KCNB2: variants seen among roughly 807,000 people sequenced by gnomAD.
The protein encoded by KCNB2 is delayed rectifier potassium channel protein.
In KCNB2, 15 loss-of-function variants were observed where a neutral mutation model predicts 61.5. The observed-to-expected ratio is 0.24, with a 90% CI of 0.16 to 0.38. KCNB2 has a LOEUF of 0.38. Among genes scored for constraint, KCNB2 ranks in the 10% least tolerant of loss-of-function variants. The probability of loss-of-function intolerance (pLI) is 1.00; values close to 1 mark genes in which losing one functional copy is unlikely to be tolerated. For missense variants in KCNB2, 828 were observed against 1,125.2 expected (o/e 0.74, Z 3.78); for synonymous variants, 457 against 446.0 (o/e 1.02, Z -0.31).
At chr8:72,855,097 C>G (rs983135616) in intron 2 of KCNB2, among the ~76,000 whole-genome samples, 1 of 152,292 alleles carries the variant, frequency 6.6e-6, no homozygotes, top group South Asian at 2.1e-4. Flanking sequence ...TTCCTTAGCC[C>G]TGAATGGCTG....
At chr8:72,633,115 A>G (rs1805905912) in intron 2 of KCNB2, among the ~76,000 whole-genome samples, 1 of 152,138 alleles carries the variant, frequency 6.6e-6, no homozygotes, top group East Asian at 1.9e-4. Context: ...AAGCTCTGCA[A>G]AGATCCTGCT....
At chr8:72,776,973 A>G (rs1808666737) in intron 2 of KCNB2, among the ~76,000 whole-genome samples, 1 of 152,136 alleles carries the variant, frequency 6.6e-6, no homozygotes, top group Admixed American at 6.5e-5. Flanking sequence ...TCTTTTATCT[A>G]GTGCTATATG....
At position 72,859,536 on chromosome 8, in the gene KCNB2, C is replaced by T. The variant is rs149045875; in HGVS notation, c.580-76399C>T. On this transcript the variant is annotated intron_variant, in intron 2 of 2. Transcript: ENST00000523207. Reference sequence around the variant, plus strand: ...CTTGTCATCCCACCTCTACACTTTCCCAACCCTAAGCAAGCCACTAATCTA... The same window carrying T: ...CTTGTCATCCCACCTCTACACTTTCTCAACCCTAAGCAAGCCACTAATCTA... 7.4e-3 allele frequency among the ~76,000 whole-genome samples: 1,123 copies of T among 151,746 alleles called. 11 individuals are homozygous for T. Among genetic ancestry groups the T allele is most frequent in the South Asian group, 0.028 (134 of 4,758 alleles).
chr8:72,800,624 T>C (rs1367259910), intron 2 of KCNB2, among the ~76,000 whole-genome samples: 2 of 151,986 alleles, frequency 1.3e-5, no homozygotes, highest in African/African-American at 4.8e-5. Context: ...AAAGATTCAA[T>C]ATCTAATTTG....
At chr8:72,603,878 A>G (rs2128982738) in intron 2 of KCNB2, among the ~76,000 whole-genome samples, 1 of 152,232 alleles carries the variant, frequency 6.6e-6, no homozygotes, top group East Asian at 1.9e-4. Flanking sequence ...TGGAGGTAGA[A>G]ATTGGCATGA....
intron 2 of KCNB2, among the ~76,000 whole-genome samples, chr8:72,716,913 C>A (rs936139049): frequency 6.6e-6 from 1 of 151,988 alleles, no homozygotes; most frequent in African/African-American, 2.4e-5. Context: ...TCTAGAAAAC[C>A]CCATTGTCTC....
At chr8:72,763,506 G>A (rs1423010447) in intron 2 of KCNB2, among the ~76,000 whole-genome samples, 1 of 152,154 alleles carries the variant, frequency 6.6e-6, no homozygotes, top group East Asian at 1.9e-4. Context: ...TAAATGGGGG[G>A]TTGGAGCAGT....
At chr8:72,775,574 G>T (rs1387705629) in intron 2 of KCNB2, among the ~76,000 whole-genome samples, 5 of 152,088 alleles carry the variant, frequency 3.3e-5, no homozygotes, top group Non-Finnish European at 1.5e-5. Flanking sequence ...ACAGATGCGT[G>T]ACTTGACTTC....
chr8:72,937,253 T>C lies in KCNB2; in HGVS notation c.1898T>C (p.Phe633Ser). The C allele has an allele frequency of 2.5e-6, 4 of 1,613,908 alleles. No individual in the cohort carries two copies. In the South Asian group the frequency reaches 3.3e-5, roughly 13 times the overall value. The change falls in exon 3 of 3, where the codon TTC becomes TCC. Residue 633 changes from phenylalanine (F) to serine (S), a missense_variant. Around this residue, in one of 4 missense-constraint regions of KCNB2, gnomAD observed 559 missense variants for 588.4 expected, o/e 0.95. Transcript: ENST00000523207. ...PPSASHLQMK[F>S]PTDLPGTEEH... ...TCCGCCTCTCACTTGCAGATGAAGTTCCCAACCGACCTCCCAGGGACAGAA... is the reference window on the plus strand; with the variant it reads ...TCCGCCTCTCACTTGCAGATGAAGTCCCCAACCGACCTCCCAGGGACAGAA...
intron 2 of KCNB2, among the ~76,000 whole-genome samples, chr8:72,653,956 A>C (rs1204265228): frequency 6.6e-6 from 1 of 152,206 alleles, no homozygotes; most frequent in Non-Finnish European, 1.5e-5. Flanking sequence ...AGCAATTCAT[A>C]AATGCTAATT....
chr8:72,598,774 T>C (rs1292072354), intron 2 of KCNB2, among the ~76,000 whole-genome samples: 1 of 152,152 alleles, frequency 6.6e-6, no homozygotes, highest in African/African-American at 2.4e-5. Context: ...AAAATCAATG[T>C]GCAAAAATCA....
intron 2 of KCNB2, among the ~76,000 whole-genome samples, chr8:72,854,942 T>C (rs1810182712): frequency 6.6e-6 from 1 of 152,164 alleles, no homozygotes; most frequent in South Asian, 2.1e-4. Flanking sequence ...TCCATCTCAG[T>C]CCAGTGAAAA....
chr8:72,658,463 G>A (rs1451877223), intron 2 of KCNB2, among the ~76,000 whole-genome samples: 5 of 152,260 alleles, frequency 3.3e-5, no homozygotes, highest in African/African-American at 9.6e-5. Flanking sequence ...AGCCATCCTC[G>A]TATCATCAAA....
chr8:72,647,267 G>A (rs533121634), intron 2 of KCNB2, among the ~76,000 whole-genome samples: 10 of 152,088 alleles, frequency 6.6e-5, no homozygotes, highest in Admixed American at 1.3e-4. Context: ...GAAGGAAATA[G>A]ATGGCCTTTG....
chr8:72,909,370 C>T (rs1028702320), intron 2 of KCNB2, among the ~76,000 whole-genome samples: 2 of 152,092 alleles, frequency 1.3e-5, no homozygotes, highest in Non-Finnish European at 2.9e-5. Context: ...CAAGAGAGAA[C>T]ATTGCATGTG....
chr8:72,679,531 A>G lies in KCNB2; in HGVS notation c.579+111218A>G, dbSNP rs143249314. 7.9e-5 allele frequency among the ~76,000 whole-genome samples: 12 copies of G among 152,370 alleles called. No individual in the cohort carries two copies. In the East Asian group the frequency reaches 2.3e-3, roughly 29 times the overall value. The stretch of plus-strand genomic sequence containing the variant: ...CCTAAGGGTCTGGCTATGTAAACCA[A>G]AGAAGTTAACAGCAAATTCAAAAGT... On this transcript the variant is annotated intron_variant, in intron 2 of 2. Transcript: ENST00000523207.
At chr8:72,661,927 G>C (rs775907951) in intron 2 of KCNB2, among the ~76,000 whole-genome samples, 17 of 152,012 alleles carry the variant, frequency 1.1e-4, no homozygotes, top group Non-Finnish European at 2.2e-4. Context: ...GTTTTGTTTT[G>C]TTTTCTTTTC....
At chr8:72,841,491 G>A (rs1012472551) in intron 2 of KCNB2, among the ~76,000 whole-genome samples, 4 of 150,454 alleles carry the variant, frequency 2.7e-5, no homozygotes, top group African/African-American at 7.4e-5. Flanking sequence ...TAGCTTGATG[G>A]GGATAGCATT....
At chr8:72,733,306 A>C (rs1409008157) in intron 2 of KCNB2, among the ~76,000 whole-genome samples, 1 of 152,108 alleles carries the variant, frequency 6.6e-6, no homozygotes, top group Non-Finnish European at 1.5e-5. Context: ...AGATTCAAGA[A>C]TTTTGACTTT....
Sources: allele counts gnomAD v4.1 joint callset (sites outside exome capture counted in the v4.1 genomes callset), GRCh38; gene constraint gnomAD v4.1.1; regional missense constraint gnomAD v4.1.1; transcripts MANE v1.5; gene names NCBI Gene and HGNC (gene_info 2026-07-23, HGNC 2026-07-21).